The following YIPF7 variants were observed in gnomAD, a reference collection of about 807,000 sequenced individuals.
The protein encoded by YIPF7 is protein YIPF7.
Under a neutral mutation model 27.2 loss-of-function variants are expected in YIPF7, and 35 were observed. That is an observed-to-expected ratio of 1.29 (90% CI 0.98 to 1.70). YIPF7 has a LOEUF of 1.70. Ranked by LOEUF, YIPF7 falls within the 40% of genes most tolerant of loss-of-function variation. The probability of loss-of-function intolerance (pLI) is 0.00; values close to 1 mark genes in which losing one functional copy is unlikely to be tolerated. For synonymous variants in YIPF7, 137 were observed against 110.4 expected (o/e 1.24, Z -1.51); for missense variants, 358 against 303.7 (o/e 1.18, Z -1.33).
intron 2 of YIPF7, among the ~76,000 whole-genome samples, chr4:44,637,209 T>C (rs1560326293): frequency 1.3e-5 from 2 of 152,184 alleles, no homozygotes; most frequent in Admixed American, 6.5e-5. Context: ...AATAAACATA[T>C]GAGTGCAGGT....
chr4:44,643,713 C>A (rs1004977823), intron 2 of YIPF7, among the ~76,000 whole-genome samples: 1 of 152,128 alleles, frequency 6.6e-6, no homozygotes, highest in African/African-American at 2.4e-5. Context: ...TGCATTCTGG[C>A]CACTCCAGCT....
upstream of YIPF7, among the ~76,000 whole-genome samples, chr4:44,653,130 T>C (rs1014693791): frequency 6.6e-6 from 1 of 152,074 alleles, no homozygotes; most frequent in Non-Finnish European, 1.5e-5. Flanking sequence ...GACTTTCAGA[T>C]GGCAAGGAGT....
Position 44,622,408 on chromosome 4 carries a change from CA to C in YIPF7, c.*5del. The C allele has an allele frequency of 6.8e-6, 11 of 1,609,094 alleles. No individual in the cohort carries two copies. Among genetic ancestry groups the C allele is most frequent in the Non-Finnish European group, 9.3e-6 (11 of 1,177,936 alleles). On this transcript the variant is annotated 3_prime_UTR_variant, in exon 6 of 6. Coordinates refer to ENST00000415895, the MANE Select transcript of YIPF7 (RefSeq NM_182592.3). ...CAGAGTCTTGAAATGCCATCTCAAA[CA>C]TTCTTTAGAAAATTGTTAGGAGGGC... is the stretch of plus-strand genomic sequence containing the variant.
intron 2 of YIPF7, among the ~76,000 whole-genome samples, chr4:44,638,254 C>A (rs908331982): frequency 7.3e-6 from 1 of 137,302 alleles, no homozygotes; most frequent in Non-Finnish European, 1.5e-5. Flanking sequence ...GTTTTTATTG[C>A]CGATTCAATC....
In YIPF7 at chr4:44,624,715, A is replaced by G; in HGVS notation, c.494T>C (p.Leu165Ser). 1 of 1,611,434 alleles carries G rather than the reference A, an allele frequency of 6.2e-7. No individual in the cohort carries two copies. Among genetic ancestry groups the G allele is most frequent in the Non-Finnish European group, 8.5e-7 (1 of 1,178,860 alleles). Residue 165 changes from leucine (L) to serine (S), a missense_variant, in exon 5 of 6, where the codon TTG (leucine) becomes TCG (serine). Physicochemically the swap from Leu to Ser is moderately radical, Grantham distance 145. Transcript: ENST00000415895. ...CCCTGAAGAGCTCATCAGGTTCAGC[A>G]AGGCATGAATCACAAGGCAGCCAAT... ...SAIGCLVIHALLNLMSSSGVS... is the reference protein window; with the variant it reads ...SAIGCLVIHASLNLMSSSGVS...
At position 44,629,494 on chromosome 4, in the gene YIPF7, G is replaced by C. The variant is rs748307835; in HGVS notation, c.335C>G (p.Pro112Arg). ...IWQKTLTVLNPMKPVDGSIMN... is the reference protein window; with the variant it reads ...IWQKTLTVLNRMKPVDGSIMN... ...AATGCTGCCATCTACTGGCTTCATT[G>C]GGTTTAACACTGTCAAAGTTTTTTG... Residue 112 changes from proline to arginine, a missense_variant, in exon 4 of 6, where the codon CCA (proline) becomes CGA (arginine). Coordinates refer to ENST00000415895, the MANE Select transcript of YIPF7 (RefSeq NM_182592.3). 4.4e-6 allele frequency: 7 copies of C among 1,587,690 alleles called. No homozygotes were observed. The Admixed American group carries it at 1.2e-4, about 28-fold the overall frequency.
chr4:44,627,839 A>T (rs1712729352), intron 4 of YIPF7, among the ~76,000 whole-genome samples: 1 of 152,174 alleles, frequency 6.6e-6, no homozygotes, highest in Admixed American at 6.5e-5. Flanking sequence ...GCTAGGGTAG[A>T]TCCAATTTTC....
intron 2 of YIPF7, among the ~76,000 whole-genome samples, chr4:44,657,540 A>T (rs16857323): frequency 1.3e-5 from 2 of 152,302 alleles, no homozygotes; most frequent in Admixed American, 6.5e-5. Flanking sequence ...ACATGCCACA[A>T]TGTGAAAAAC....
chr4:44,626,784 T>C, intron 4 of YIPF7, among the ~76,000 whole-genome samples: 1 of 126,994 alleles, frequency 7.9e-6, no homozygotes. Context: ...TTTTTTTTTT[T>C]TTTTTTTTTG....
chr4:44,659,062 C>A (rs1053102504), intron 2 of YIPF7, among the ~76,000 whole-genome samples: 11 of 152,116 alleles, frequency 7.2e-5, no homozygotes, highest in African/African-American at 2.7e-4. Context: ...ACTGTACTCT[C>A]CCTGTTTGCC....
chr4:44,651,655 A>G, upstream of YIPF7: 1 of 1,504,026 alleles, frequency 6.6e-7, no homozygotes, highest in Non-Finnish European at 8.9e-7. Context: ...GGCTATATAT[A>G]TACCTTTCTA....
Position 44,624,754 on chromosome 4 carries a change from T to C in YIPF7, c.455A>G (p.Tyr152Cys). 1 of 1,611,586 alleles carries C rather than the reference T, an allele frequency of 6.2e-7. No individual in the cohort carries two copies. Among genetic ancestry groups the C allele is most frequent in the Non-Finnish European group, 8.5e-7 (1 of 1,178,994 alleles). Residue 152 changes from tyrosine to cysteine, a missense_variant, in exon 5 of 6, where the codon TAT becomes TGT. Transcript: ENST00000415895. ...AAGGCAGCCAATGGCACTCATGCCA[T>C]ACACATAACCAAACTGAACTTTTCC... The part of the protein sequence containing the change: ...LAGKVQFGYV[Y>C]GMSAIGCLVI...
At chr4:44,650,463 A>G (rs1201456625) in intron 1 of YIPF7, among the ~76,000 whole-genome samples, 1 of 150,666 alleles carries the variant, frequency 6.6e-6, no homozygotes, top group Non-Finnish European at 1.5e-5. Flanking sequence ...CCCTAAAACG[A>G]TGTTCTTCAT....
chr4:44,644,538 T>G (rs1713456662), intron 2 of YIPF7, among the ~76,000 whole-genome samples: 1 of 152,176 alleles, frequency 6.6e-6, no homozygotes, highest in Non-Finnish European at 1.5e-5. Context: ...TTATCCCTTT[T>G]AGAATGCCTA....
At chr4:44,660,542 TC>T (rs1242208564) in exon 2 of YIPF7, 2 of 152,116 alleles carry the variant, frequency 1.3e-5, no homozygotes, top group Non-Finnish European at 2.9e-5. Flanking sequence ...GATTTTCAAG[TC>T]CCCAGCTGGT....
rs150053616 is a variant in YIPF7 at position 44,632,619 on chromosome 4, G to A, written c.281-3071C>T. ...TTGAAACAACACATTTTTGTGCATA[G>A]TATTATAGCTTCATAATTTTATAGG... is the stretch of plus-strand genomic sequence containing the variant. On this transcript the variant is annotated intron_variant, in intron 3 of 5. Coordinates refer to ENST00000415895, the MANE Select transcript of YIPF7 (RefSeq NM_182592.3). Among the ~76,000 whole-genome samples, 1,196 of 152,222 alleles carry A rather than the reference G, an allele frequency of 7.9e-3. 12 individuals carry two copies. The highest frequency in any genetic ancestry group is 0.012 in the Non-Finnish European group (816 of 68,004).
At chr4:44,657,977 G>T (rs1248593891) in intron 2 of YIPF7, among the ~76,000 whole-genome samples, 1 of 152,096 alleles carries the variant, frequency 6.6e-6, no homozygotes, top group Non-Finnish European at 1.5e-5. Flanking sequence ...CTAGCACTTT[G>T]GGAGGCTGAG....
intron 2 of YIPF7, among the ~76,000 whole-genome samples, chr4:44,658,078 T>C (rs1713949030): frequency 6.6e-6 from 1 of 152,180 alleles, no homozygotes; most frequent in East Asian, 1.9e-4. Flanking sequence ...AATACAATTT[T>C]TAAAAGGTGT....
Position 44,649,988 on chromosome 4 carries a change from C to T in YIPF7, c.113G>A (p.Arg38Lys), listed in dbSNP as rs1483361471. The T allele has an allele frequency of 5.4e-6, 8 of 1,483,244 alleles. No individual in the cohort carries two copies. The highest frequency in any genetic ancestry group is 7.3e-6 in the Non-Finnish European group (8 of 1,088,476). 91.9% of individuals were successfully genotyped at this position (1,483,244 alleles called of 1,614,324 possible). A position where few individuals can be genotyped will look rare whatever the true frequency, so the allele number is the denominator to read the frequency against. Residue 38 changes from arginine (R) to lysine (K), a missense_variant, in exon 2 of 6, where the codon AGA becomes AAA. By Grantham distance (26) the Arg-to-Lys change is conservative. Transcript: ENST00000415895. ...AAGAAAAATATTAAGTACTTACTTT[C>T]TAGATCCATAAAGATTTCCATAGGC... ...SNAYGNLYGS[R>K]KQQAGEQPQP...
Sources: gnomAD v4.1 joint callset for allele counts (sites outside exome capture counted in the v4.1 genomes callset) on GRCh38, gnomAD v4.1.1 for gene constraint, MANE v1.5 for transcripts, NCBI Gene and HGNC (gene_info 2026-07-23, HGNC 2026-07-21) for gene names.